TMEM163: variants seen among roughly 807,000 people sequenced by gnomAD.
TMEM163 encodes the protein transmembrane protein 163.
Under a neutral mutation model 29.3 loss-of-function variants are expected in TMEM163, and 17 were observed. That is an observed-to-expected ratio of 0.58 (90% CI 0.40 to 0.87). The LOEUF (loss-of-function observed/expected upper bound fraction) is 0.87, where lower values mean the gene tolerates loss of function less well. TMEM163 is among the 40% of genes least tolerant of loss of function. The pLI, the probability that TMEM163 is intolerant of heterozygous loss-of-function variation, is 0.00. For synonymous variants in TMEM163, 157 were observed against 160.6 expected (o/e 0.98, Z 0.17); for missense variants, 303 against 381.5 (o/e 0.79, Z 1.71).
intron 5 of TMEM163, among the ~76,000 whole-genome samples, chr2:134,479,620 T>C (rs1306178667): frequency 6.6e-6 from 1 of 152,068 alleles, no homozygotes; most frequent in African/African-American, 2.4e-5. Flanking sequence ...AAACGTGAGG[T>C]GGTCTTAAAA....
At chr2:134,656,593 C>T (rs1338205841) in intron 2 of TMEM163, among the ~76,000 whole-genome samples, 1 of 152,184 alleles carries the variant, frequency 6.6e-6, no homozygotes, top group Non-Finnish European at 1.5e-5. Flanking sequence ...ATTTCTTTCT[C>T]TTGACTGACT....
At chr2:134,669,977 A>C (rs1683955252) in intron 2 of TMEM163, among the ~76,000 whole-genome samples, 1 of 152,096 alleles carries the variant, frequency 6.6e-6, no homozygotes, top group South Asian at 2.1e-4. Context: ...CTGTAACCCC[A>C]TGAGGGACCC....
rs1309309738 is a variant in TMEM163, at chr2:134,618,517, A to C, written c.323-66426T>G. Among the ~76,000 whole-genome samples the C allele has an allele frequency of 6.6e-5, 10 of 152,304 alleles. No individual in the cohort carries two copies. The East Asian group carries it at 1.5e-3, about 23-fold the overall frequency. On this transcript the variant is annotated intron_variant, in intron 2 of 7. Transcript: ENST00000281924. ...AGAATGAGAATCAGTAAAGATATAA[A>C]AAATTGAATAACATTATCAACAATC...
At chr2:134,618,210 G>C (rs1682653963) in intron 2 of TMEM163, among the ~76,000 whole-genome samples, 1 of 151,992 alleles carries the variant, frequency 6.6e-6, no homozygotes, top group African/African-American at 2.4e-5. Flanking sequence ...CATGTAAAAG[G>C]ATGGAAAAAG....
At chr2:134,568,543 GAGAAAGAAAA>G (rs1490928416) in intron 2 of TMEM163, among the ~76,000 whole-genome samples, 1 of 110,240 alleles carries the variant, frequency 9.1e-6, no homozygotes, top group African/African-American at 3.4e-5. Context: ...AGAAAAGAAA[GAGAAAGAAAA>G]AGAAAGAAAA....
intron 2 of TMEM163, among the ~76,000 whole-genome samples, chr2:134,643,664 T>TAA (rs142265576): frequency 6.8e-6 from 1 of 147,958 alleles, no homozygotes. Context: ...TCATTCATGT[T>TAA]AAAAAAAAAA....
At chr2:134,679,845 T>C (rs1684192101) in intron 2 of TMEM163, among the ~76,000 whole-genome samples, 1 of 152,060 alleles carries the variant, frequency 6.6e-6, no homozygotes, top group Admixed American at 6.6e-5. Flanking sequence ...AGTGATGAGC[T>C]CACCCACAAG....
chr2:134,562,902 T>C (rs1453224157), intron 2 of TMEM163, among the ~76,000 whole-genome samples: 2 of 152,136 alleles, frequency 1.3e-5, no homozygotes, highest in Non-Finnish European at 2.9e-5. Context: ...ATCTACAAAA[T>C]ACATTAAAAT....
At chr2:134,618,355 G>C (rs993238641) in intron 2 of TMEM163, among the ~76,000 whole-genome samples, 4 of 152,064 alleles carry the variant, frequency 2.6e-5, no homozygotes, top group South Asian at 4.1e-4. Flanking sequence ...AATACATAAG[G>C]AAGATATAAT....
chr2:134,713,827 C>G (rs1024211323), intron 1 of TMEM163, among the ~76,000 whole-genome samples: 1 of 152,296 alleles, frequency 6.6e-6, no homozygotes, highest in South Asian at 2.1e-4. Flanking sequence ...GACCTCACTG[C>G]TCCCCCAACA....
At chr2:134,606,827 G>T (rs1682380100) in intron 2 of TMEM163, among the ~76,000 whole-genome samples, 1 of 152,250 alleles carries the variant, frequency 6.6e-6, no homozygotes, top group African/African-American at 2.4e-5. Flanking sequence ...TGAATCTCTG[G>T]ATTTGGTAAA....
At chr2:134,641,066 T>C (rs1332061790) in intron 2 of TMEM163, among the ~76,000 whole-genome samples, 1 of 152,124 alleles carries the variant, frequency 6.6e-6, no homozygotes, top group Admixed American at 6.6e-5. Flanking sequence ...AAATAATACA[T>C]AGCTACAAAA....
chr2:134,487,170 A>G (rs1679332015), intron 5 of TMEM163, among the ~76,000 whole-genome samples: 1 of 152,228 alleles, frequency 6.6e-6, no homozygotes. Flanking sequence ...AAAAATATAG[A>G]ATTTGAAAAG....
intron 2 of TMEM163, among the ~76,000 whole-genome samples, chr2:134,626,497 C>T (rs1682854426): frequency 6.6e-6 from 1 of 152,176 alleles, no homozygotes; most frequent in Admixed American, 6.5e-5. Flanking sequence ...CCTCTTCTGA[C>T]CTTGACCCTC....
chr2:134,610,781 A>G (rs1682489772), intron 2 of TMEM163, among the ~76,000 whole-genome samples: 1 of 152,184 alleles, frequency 6.6e-6, no homozygotes, highest in Non-Finnish European at 1.5e-5. Context: ...AGCTCCCCTG[A>G]TGAATCTTTC....
At chr2:134,566,933 A>C (rs1305128182) in intron 2 of TMEM163, among the ~76,000 whole-genome samples, 2 of 152,224 alleles carry the variant, frequency 1.3e-5, no homozygotes, top group Non-Finnish European at 2.9e-5. Flanking sequence ...GAATAAAGCA[A>C]GGTAATTAAT....
intron 4 of TMEM163, among the ~76,000 whole-genome samples, chr2:134,536,956 A>C (rs1448721332): frequency 2.0e-5 from 3 of 152,250 alleles, no homozygotes; most frequent in Admixed American, 2.0e-4. Flanking sequence ...GAAAAGACTT[A>C]TTAATCAGGA....
chr2:134,713,739 G>C, intron 1 of TMEM163: 1 of 454,690 alleles, frequency 2.2e-6, no homozygotes, highest in Admixed American at 2.4e-5. Flanking sequence ...AGGCTCCTCA[G>C]CTGTGAGCAT....
intron 4 of TMEM163, among the ~76,000 whole-genome samples, chr2:134,535,717 G>GTTTTTTTT (rs59227102): frequency 1.4e-5 from 2 of 142,480 alleles, no homozygotes; most frequent in African/African-American, 5.3e-5. Flanking sequence ...TATTTGTATG[G>GTTTTTTTT]TTTTTTTTTT....
Sources: gnomAD v4.1 joint callset for allele counts (sites outside exome capture counted in the v4.1 genomes callset) on GRCh38, gnomAD v4.1.1 for gene constraint, MANE v1.5 for transcripts, NCBI Gene and HGNC (gene_info 2026-07-23, HGNC 2026-07-21) for gene names.